Variants in ZNF705B observed in about 807,000 individuals in gnomAD.
The protein encoded by ZNF705B is zinc finger protein 705B, also known as Putative zinc finger protein 705D-like protein LOC100132396.
In ZNF705B, 1 loss-of-function variant was observed where a neutral mutation model predicts 10.5. The observed-to-expected ratio is 0.10, with a 90% CI of 0.03 to 0.45. The LOEUF (loss-of-function observed/expected upper bound fraction) is 0.45. Among genes scored for constraint, ZNF705B ranks in the 20% least tolerant of loss-of-function variants. The pLI is 0.97. For synonymous variants in ZNF705B, 4 were observed against 25.4 expected (o/e 0.16, Z 2.53); for missense variants, 14 against 84.0 (o/e 0.17, Z 3.26).
chr8:7,929,698 G>C (rs1430128367), intron 1 of ZNF705B, among the ~76,000 whole-genome samples: 6 of 116,500 alleles, frequency 5.2e-5, no homozygotes, highest in Non-Finnish European at 6.1e-5. Flanking sequence ...CGTTGTTGTT[G>C]TTCTTCTTCT....
At chr8:7,941,172 T>C (rs1202999055) in intron 2 of ZNF705B, among the ~76,000 whole-genome samples, 1 of 146,264 alleles carries the variant, frequency 6.8e-6, no homozygotes, top group Non-Finnish European at 1.5e-5. Flanking sequence ...ATCTTTATAA[T>C]AGAATGATTT....
At chr8:7,928,531 C>G (rs1267852105) in intron 1 of ZNF705B, among the ~76,000 whole-genome samples, 2 of 118,728 alleles carry the variant, frequency 1.7e-5, no homozygotes, top group African/African-American at 5.1e-5. Context: ...GATGTAGAAA[C>G]AATATAAAGC....
intron 2 of ZNF705B, among the ~76,000 whole-genome samples, chr8:7,937,514 G>T (rs1820048749): frequency 8.8e-6 from 1 of 113,794 alleles, no homozygotes; most frequent in African/African-American, 2.6e-5. Flanking sequence ...TCCAAATTTG[G>T]AATTTTTAAA....
intron 2 of ZNF705B, among the ~76,000 whole-genome samples, chr8:7,930,934 G>A (rs1362689789): frequency 1.6e-5 from 2 of 128,490 alleles, no homozygotes; most frequent in Non-Finnish European, 3.7e-5. Flanking sequence ...TCAACTCACT[G>A]CAGCTCTGCC....
chr8:7,929,912 G>T (rs1445599791), intron 1 of ZNF705B, among the ~76,000 whole-genome samples: 6 of 54,258 alleles, frequency 1.1e-4, no homozygotes, highest in Non-Finnish European at 3.0e-4. Context: ...ATAAACTGCT[G>T]CTTCTGGATT....
chr8:7,931,828 C>T (rs1232997783), intron 2 of ZNF705B, among the ~76,000 whole-genome samples: 1 of 127,818 alleles, frequency 7.8e-6, no homozygotes, highest in Non-Finnish European at 1.8e-5. Context: ...CTGCCAGTTC[C>T]CTGGAGTGTA....
At position 7,932,431 on chromosome 8, in the gene ZNF705B, G is replaced by C. The variant is rs527937346; in HGVS notation, c.-72+1995G>C. ...GAGGACACAGTGCCTGGTACCTCTA[G>C]TCAGCCATCTTGAAGGCCACCTCCT... On this transcript the variant is annotated intron_variant, in intron 2 of 6. Transcript: ENST00000400120. Among the ~76,000 whole-genome samples, 38 of 121,524 alleles carry C rather than the reference G, an allele frequency of 3.1e-4. 2 individuals are homozygous for C. Among genetic ancestry groups the C allele is most frequent in the African/African-American group, 9.5e-4 (38 of 39,954 alleles). The allele number at this position is 121,524 out of a possible 152,430, so 79.7% of individuals were successfully genotyped here.
Position 7,940,700 on chromosome 8 carries a change from C to T in ZNF705B, c.-71-6651C>T, listed in dbSNP as rs545606306. Among the ~76,000 whole-genome samples, 22 of 147,860 alleles carry T rather than the reference C, an allele frequency of 1.5e-4. 1 individual carries two copies. The highest frequency in any genetic ancestry group is 6.9e-4 in the Admixed American group (10 of 14,586). ...GTGAAATAATATAGTAATTGTCATT[C>T]TGTGGTTGGCCTATTTCATATAACC... On this transcript the variant is annotated intron_variant, in intron 2 of 6. Coordinates refer to ENST00000400120, the MANE Select transcript of ZNF705B (RefSeq NM_001193630.1).
intron 2 of ZNF705B, among the ~76,000 whole-genome samples, chr8:7,933,929 CTTTTT>C (rs1162997944): frequency 2.9e-3 from 84 of 29,264 alleles, no homozygotes; most frequent in Admixed American, 5.3e-3. Context: ...GTAATATAAA[CTTTTT>C]TTTTTTTTTT....
chr8:7,931,508 C>A (rs1467177792), intron 2 of ZNF705B, among the ~76,000 whole-genome samples: 1 of 122,142 alleles, frequency 8.2e-6, no homozygotes, highest in African/African-American at 2.5e-5. Context: ...ATACTCAGGT[C>A]ACAAGAAGGC....
chr8:7,932,215 T>G (rs1819868073), intron 2 of ZNF705B, among the ~76,000 whole-genome samples: 1 of 121,232 alleles, frequency 8.2e-6, no homozygotes, highest in Non-Finnish European at 2.0e-5. Context: ...ACTGGGGCTC[T>G]CTTTTTTACC....
chr8:7,927,524 G>T (rs543504938), intron 1 of ZNF705B, among the ~76,000 whole-genome samples: 1 of 120,540 alleles, frequency 8.3e-6, no homozygotes, highest in East Asian at 2.4e-4. Flanking sequence ...AACTCTTGTG[G>T]TGATCCTAGT....
chr8:7,927,358 G>A (rs555603367), intron 1 of ZNF705B, among the ~76,000 whole-genome samples: 1 of 121,280 alleles, frequency 8.2e-6, no homozygotes, highest in African/African-American at 2.5e-5. Context: ...CAGGTATCCA[G>A]AAGTTGACTT....
chr8:7,932,557 G>C (rs1819879784), intron 2 of ZNF705B, among the ~76,000 whole-genome samples: 1 of 121,400 alleles, frequency 8.2e-6, no homozygotes, highest in African/African-American at 2.5e-5. Flanking sequence ...ATGTTATATA[G>C]TGCAAAAATA....
intron 1 of ZNF705B, among the ~76,000 whole-genome samples, chr8:7,929,261 T>A (rs1454566896): frequency 8.2e-6 from 1 of 121,760 alleles, no homozygotes; most frequent in Non-Finnish European, 2.0e-5. Flanking sequence ...AATGCAATTT[T>A]AATCAAAATG....
intron 2 of ZNF705B, among the ~76,000 whole-genome samples, chr8:7,932,044 T>C: frequency 8.4e-6 from 1 of 119,426 alleles, no homozygotes; most frequent in Non-Finnish European, 2.0e-5. Context: ...CAGCTGCCTG[T>C]GTCTGGGGGC....
At chr8:7,929,683 G>T (rs558870282) in intron 1 of ZNF705B, among the ~76,000 whole-genome samples, 1 of 117,416 alleles carries the variant, frequency 8.5e-6, no homozygotes, top group African/African-American at 2.5e-5. Flanking sequence ...TAGCTGAATT[G>T]TTGTCGTTGT....
chr8:7,937,473 A>G (rs1820047482), intron 2 of ZNF705B, among the ~76,000 whole-genome samples: 2 of 109,036 alleles, frequency 1.8e-5, no homozygotes, highest in Non-Finnish European at 4.3e-5. Context: ...ATTGAGTAAC[A>G]GTGAAAACAA....
rs1454841597 is a variant in ZNF705B at position 7,938,300 on chromosome 8, CAA to C, written c.-72+7866_-72+7867del. ...ATTTCTTAGATTATAGTAATATTTT[CAA>C]AGAGACTTCTTCCACCAATCCCTTC... On this transcript the variant is annotated intron_variant, in intron 2 of 6. Coordinates refer to ENST00000400120, the MANE Select transcript of ZNF705B (RefSeq NM_001193630.1). Among the ~76,000 whole-genome samples the C allele has an allele frequency of 7.3e-5, 8 of 109,878 alleles. No homozygotes were observed. In the South Asian group the frequency reaches 2.3e-3, roughly 31 times the overall value. The allele number at this position is 109,878 out of a possible 152,430, so 72.1% of individuals were successfully genotyped here. A position where few individuals can be genotyped will look rare whatever the true frequency, so the allele number is the denominator to read the frequency against.
Sources: gnomAD v4.1 joint callset for allele counts (sites outside exome capture counted in the v4.1 genomes callset) on GRCh38, gnomAD v4.1.1 for gene constraint, MANE v1.5 for transcripts, NCBI Gene and HGNC (gene_info 2026-07-23, HGNC 2026-07-21) for gene names.